PROSER2: variants seen among roughly 807,000 people sequenced by gnomAD.
PROSER2 encodes proline and serine-rich protein 2.
A neutral mutation model predicts 14.6 loss-of-function variants in PROSER2; 18 were observed. The observed-to-expected ratio is 1.23, with a 90% CI of 0.85 to 1.83. PROSER2 has a LOEUF of 1.83. Among genes scored for constraint, PROSER2 ranks in the 40% most tolerant of loss-of-function variants. PROSER2 has a pLI of 0.00. For synonymous variants in PROSER2, 367 were observed against 286.4 expected (o/e 1.28, Z -2.84); for missense variants, 823 against 629.8 (o/e 1.31, Z -3.28).
intron 1 of PROSER2, among the ~76,000 whole-genome samples, chr10:11,834,904 C>T (rs1833739004): frequency 6.6e-6 from 1 of 151,808 alleles, no homozygotes; most frequent in Non-Finnish European, 1.5e-5. Flanking sequence ...GTCAGGAGTT[C>T]GAAACCAGCC....
In PROSER2 at chr10:11,870,374, C is replaced by A; in HGVS notation, c.1276C>A (p.Arg426=). 3 of 1,507,254 alleles carry A rather than the reference C, an allele frequency of 2.0e-6. No homozygotes were observed. Among genetic ancestry groups the A allele is most frequent in the Non-Finnish European group, 2.7e-6 (3 of 1,129,660 alleles). 93.4% of individuals were successfully genotyped at this position (1,507,254 alleles called of 1,614,324 possible). Reference sequence around the variant, plus strand: ...GGAGGAGGCGCGCAGGGAGGCCCTGCGGAAGCTGGGGCTGCTCAGGGAGAG... The same window carrying A: ...GGAGGAGGCGCGCAGGGAGGCCCTGAGGAAGCTGGGGCTGCTCAGGGAGAG... ...SSEEARREAL[R]KLGLLRESS The change falls in exon 4 of 4, where the codon CGG becomes AGG. Residue 426 remains arginine (R), a synonymous_variant. Coordinates refer to ENST00000277570, the MANE Select transcript of PROSER2 (RefSeq NM_153256.4).
chr10:11,852,057 G>C lies in PROSER2; in HGVS notation c.-21G>C, dbSNP rs370615818. On this transcript the variant is annotated 5_prime_UTR_variant, in exon 2 of 4. Coordinates refer to ENST00000277570, the MANE Select transcript of PROSER2 (RefSeq NM_153256.4). ...CTGCCCTGCTTCCTGTGATCGAGCC[G>C]GCCCTGAGGACTCTGTGGAGATGCC... 138 of 1,586,578 alleles carry C rather than the reference G, an allele frequency of 8.7e-5. No individual in the cohort carries two copies. The highest frequency in any genetic ancestry group is 1.1e-4 in the Non-Finnish European group (130 of 1,165,328).
chr10:11,825,461 T>G (rs761313670), intron 1 of PROSER2, among the ~76,000 whole-genome samples: 8 of 152,168 alleles, frequency 5.3e-5, no homozygotes, highest in Non-Finnish European at 7.4e-5. Flanking sequence ...AAGAGGGCCT[T>G]GCAACTCCGC....
At chr10:11,841,477 T>TAGGAAAA (rs1179241881) in intron 1 of PROSER2, among the ~76,000 whole-genome samples, 2 of 152,218 alleles carry the variant, frequency 1.3e-5, no homozygotes, top group East Asian at 3.8e-4. Context: ...TTTGGGTTTT[T>TAGGAAAA]CCTAACTTAA....
In PROSER2 at chr10:11,866,173, T is replaced by A. The variant is rs1228219074; in HGVS notation, c.139-358T>A. 6.6e-6 allele frequency among the ~76,000 whole-genome samples: 1 copy of A among 152,242 alleles called. No homozygotes were observed. The highest frequency in any genetic ancestry group is 1.5e-5 in the Non-Finnish European group (1 of 68,048). On this transcript the variant is annotated intron_variant, in intron 2 of 3. Transcript: ENST00000277570. This position sits in a 1 kb window ranked among gnomAD's most constrained non-coding sequence, Gnocchi z 6.0. The stretch of plus-strand genomic sequence containing the variant: ...ATATGTGAGTTCAATCCACCATCTT[T>A]AAGCAGAGGTTTCCCGTGATTATGG...
At position 11,869,436 on chromosome 10, in the gene PROSER2, T is replaced by C. The variant is rs1834418505; in HGVS notation, c.392-54T>C. Reference sequence around the variant, plus strand: ...TTCAGTTCAGCGAGAGGGAACTTCATGCATTTACTTTCACGTGGGCCGGTG... The same window carrying C: ...TTCAGTTCAGCGAGAGGGAACTTCACGCATTTACTTTCACGTGGGCCGGTG... On this transcript the variant is annotated intron_variant, in intron 3 of 3. Transcript: ENST00000277570. This position sits in a 1 kb window ranked among gnomAD's most constrained non-coding sequence, Gnocchi z 4.4. 1 of 1,340,250 alleles carries C rather than the reference T, an allele frequency of 7.5e-7. No homozygotes were observed. Among genetic ancestry groups the C allele is most frequent in the Non-Finnish European group, 1.1e-6 (1 of 933,432 alleles). 83.0% of individuals were successfully genotyped at this position (1,340,250 alleles called of 1,614,324 possible). A position where few individuals can be genotyped will look rare whatever the true frequency, so the allele number is the denominator to read the frequency against.
Position 11,870,070 on chromosome 10 carries a change from C to T in PROSER2, c.972C>T (p.Gly324=). Residue 324 remains glycine (G), a synonymous_variant, in exon 4 of 4, where the codon GGC becomes GGT. Transcript: ENST00000277570. ...ERVARGRGLP[G]PAESLRAGGQ... is the part of the protein sequence containing the mutation. The stretch of plus-strand genomic sequence containing the variant: ...TGGCGCGTGGCCGGGGCCTGCCGGG[C>T]CCCGCTGAGAGTCTCCGGGCAGGGG... 1.6e-6 allele frequency: 2 copies of T among 1,262,068 alleles called. No individual in the cohort carries two copies. Among genetic ancestry groups the T allele is most frequent in the Non-Finnish European group, 2.0e-6 (2 of 1,003,886 alleles). The allele number at this position is 1,262,068 out of a possible 1,614,324, so 78.2% of individuals were successfully genotyped here.
intron 1 of PROSER2, among the ~76,000 whole-genome samples, chr10:11,848,655 G>A (rs886577622): frequency 2.6e-5 from 4 of 152,054 alleles, no homozygotes; most frequent in African/African-American, 7.3e-5. Flanking sequence ...CCTACCTGTC[G>A]GCAAAGTTCA....
intron 1 of PROSER2, among the ~76,000 whole-genome samples, chr10:11,827,214 C>T (rs976601557): frequency 6.6e-6 from 1 of 151,838 alleles, no homozygotes; most frequent in Non-Finnish European, 1.5e-5. Flanking sequence ...AAAAAAATTC[C>T]GGTCCTCCTA....
At chr10:11,860,662 G>T (rs11596403) in intron 2 of PROSER2, among the ~76,000 whole-genome samples, 32,724 of 151,436 alleles carry the variant, frequency 0.22, 3,693 homozygotes, top group Middle Eastern at 0.31. Context: ...CAAATAATAA[G>T]AAGAGGAAGA....
chr10:11,832,776 T>TA (rs1233887212), intron 1 of PROSER2, among the ~76,000 whole-genome samples: 1 of 152,068 alleles, frequency 6.6e-6, no homozygotes, highest in South Asian at 2.1e-4. Context: ...CTTAAGTATT[T>TA]AAGCTTTTCT....
At chr10:11,847,698 C>T (rs1342460746) in intron 1 of PROSER2, among the ~76,000 whole-genome samples, 2 of 152,180 alleles carry the variant, frequency 1.3e-5, no homozygotes, top group African/African-American at 2.4e-5. Context: ...GGATTACAGG[C>T]GTGAGCCACC....
chr10:11,833,851 G>A (rs553998980), intron 1 of PROSER2, among the ~76,000 whole-genome samples: 40 of 152,240 alleles, frequency 2.6e-4, no homozygotes, highest in Admixed American at 1.2e-3. Flanking sequence ...ATGAGAGTCC[G>A]GCGGGGAGGC....
chr10:11,833,235 C>CTTTTTTTTTTTTT (rs5783233), intron 1 of PROSER2, among the ~76,000 whole-genome samples: 11 of 87,666 alleles, frequency 1.3e-4, no homozygotes, highest in Admixed American at 4.9e-4. Context: ...AATGTTGTGG[C>CTTTTTTTTTTTTT]TTTTTTTTTT....
chr10:11,848,711 C>G (rs574631234), intron 1 of PROSER2, among the ~76,000 whole-genome samples: 6 of 152,344 alleles, frequency 3.9e-5, no homozygotes, highest in African/African-American at 1.4e-4. Flanking sequence ...CTCATCCCCC[C>G]AGTTTGCACC....
At chr10:11,846,045 G>C (rs1833919655) in intron 1 of PROSER2, among the ~76,000 whole-genome samples, 1 of 152,150 alleles carries the variant, frequency 6.6e-6, no homozygotes, top group Non-Finnish European at 1.5e-5. Flanking sequence ...GGAGTGCAGT[G>C]GTGCGATCTC....
chr10:11,869,766 G>C lies in PROSER2; in HGVS notation c.668G>C (p.Gly223Ala), dbSNP rs1834430822. The part of the protein sequence containing the change: ...PTSPFREGRP[G>A]EWRTPAARGP... Reference sequence around the variant, plus strand: ...TCCCCGTTCAGGGAGGGCCGGCCCGGGGAGTGGAGGACACCTGCCGCCCGG... The same window carrying C: ...TCCCCGTTCAGGGAGGGCCGGCCCGCGGAGTGGAGGACACCTGCCGCCCGG... Residue 223 changes from glycine (G) to alanine (A), a missense_variant, in exon 4 of 4, where the codon GGG becomes GCG. Physicochemically the swap from Gly to Ala is moderately conservative, Grantham distance 60. Transcript: ENST00000277570. This position sits in a 1 kb window ranked among gnomAD's most constrained non-coding sequence, Gnocchi z 4.4. The C allele has an allele frequency of 6.4e-7, 1 of 1,567,784 alleles. No individual in the cohort carries two copies. The highest frequency in any genetic ancestry group is 1.9e-5 in the Admixed American group (1 of 53,864).
chr10:11,829,445 G>GT, intron 1 of PROSER2, among the ~76,000 whole-genome samples: 1 of 151,936 alleles, frequency 6.6e-6, no homozygotes, highest in South Asian at 2.1e-4. Flanking sequence ...TTAGCCAGGT[G>GT]TGGTAGTGTG....
rs11257364 is a variant in PROSER2 at position 11,856,923 on chromosome 10, G to C, written c.138+4708G>C. ...CCGGAGGTGCCTTGAGGGAGGAGCC[G>C]CCCCATCAGCCATAACCCCGCCCTT... On this transcript the variant is annotated intron_variant, in intron 2 of 3. Transcript: ENST00000277570. The surrounding 1 kb of genome is among the most constrained non-coding windows in gnomAD (Gnocchi z 5.3). 1.3e-5 allele frequency among the ~76,000 whole-genome samples: 2 copies of C among 152,070 alleles called. No individual in the cohort carries two copies. The highest frequency in any genetic ancestry group is 3.9e-4 in the East Asian group (2 of 5,188).
Sources: allele counts gnomAD v4.1 joint callset (sites outside exome capture counted in the v4.1 genomes callset), GRCh38; gene constraint gnomAD v4.1.1; non-coding constraint Gnocchi (gnomAD v3.1); transcripts MANE v1.5; gene names NCBI Gene and HGNC (gene_info 2026-07-23, HGNC 2026-07-21).